CTNNA2: variants seen among roughly 807,000 people sequenced by gnomAD.
CTNNA2 encodes catenin alpha-2.
A neutral mutation model predicts 101.0 loss-of-function variants in CTNNA2; 42 were observed. The observed-to-expected ratio is 0.42, with a 90% CI of 0.32 to 0.54. The LOEUF is 0.54. CTNNA2 is among the 20% of genes least tolerant of loss of function. CTNNA2 has a pLI of 0.14. For synonymous variants in CTNNA2, 450 were observed against 456.4 expected, an observed-to-expected ratio of 0.99 and a Z score of 0.18; for missense variants, 871 against 1,223.1, an observed-to-expected ratio of 0.71 and a Z score of 4.29.
chr2:79,910,402 C>T (rs1389619688), intron 7 of CTNNA2, among the ~76,000 whole-genome samples: 2 of 152,240 alleles, frequency 1.3e-5, no homozygotes, highest in South Asian at 4.2e-4. Flanking sequence ...TAATAGCCAT[C>T]CTCTCCTATA....
intron 1 of CTNNA2, among the ~76,000 whole-genome samples, chr2:79,609,943 A>G (rs182427199): frequency 6.6e-6 from 1 of 152,280 alleles, no homozygotes; most frequent in East Asian, 1.9e-4. Context: ...ATCAAAAGTA[A>G]AATCTTTCGT....
intron 7 of CTNNA2, among the ~76,000 whole-genome samples, chr2:80,034,265 A>G (rs1402095835): frequency 1.3e-5 from 2 of 152,032 alleles, no homozygotes; most frequent in Non-Finnish European, 1.5e-5. Flanking sequence ...ACTCAATAGA[A>G]CTGAAAAAGA....
At chr2:80,005,784 T>TTC (rs386390577) in intron 7 of CTNNA2, among the ~76,000 whole-genome samples, 2 of 151,858 alleles carry the variant, frequency 1.3e-5, no homozygotes, top group African/African-American at 2.4e-5. Flanking sequence ...TTTTTTTTTT[T>TTC]TAAACAAGCA....
chr2:80,112,460 G>C (rs1701277515), intron 7 of CTNNA2, among the ~76,000 whole-genome samples: 1 of 152,048 alleles, frequency 6.6e-6, no homozygotes, highest in Non-Finnish European at 1.5e-5. Flanking sequence ...AATTTGTCTA[G>C]GTTGGTCAGA....
intron 4 of CTNNA2, among the ~76,000 whole-genome samples, chr2:79,461,958 G>A (rs1670883961): frequency 6.6e-6 from 1 of 151,770 alleles, no homozygotes. Flanking sequence ...TTTAATTAAA[G>A]AGAAAATGTT....
chr2:79,315,252 T>A (rs1243493252), intron 3 of CTNNA2, among the ~76,000 whole-genome samples: 1 of 152,234 alleles, frequency 6.6e-6, no homozygotes. Context: ...TATTGAGATA[T>A]AATTTATGCA....
intron 3 of CTNNA2, among the ~76,000 whole-genome samples, chr2:79,786,642 T>C (rs1674871425): frequency 6.6e-6 from 1 of 152,124 alleles, no homozygotes; most frequent in African/African-American, 2.4e-5. Flanking sequence ...AAGATTTACC[T>C]GTCTTTACAC....
chr2:80,398,110 T>C (rs1171922808), intron 8 of CTNNA2, among the ~76,000 whole-genome samples: 2 of 152,214 alleles, frequency 1.3e-5, no homozygotes, highest in Non-Finnish European at 2.9e-5. Flanking sequence ...TTATGGTTCA[T>C]TGGATTCTCT....
chr2:80,085,680 G>A (rs1699396892), intron 7 of CTNNA2, among the ~76,000 whole-genome samples: 1 of 151,946 alleles, frequency 6.6e-6, no homozygotes, highest in African/African-American at 2.4e-5. Context: ...GTCTGTCTCT[G>A]GATCTTTTTT....
chr2:80,495,420 A>G (rs1248317638), intron 9 of CTNNA2, among the ~76,000 whole-genome samples: 1 of 152,104 alleles, frequency 6.6e-6, no homozygotes, highest in Non-Finnish European at 1.5e-5. Flanking sequence ...AAAAGAAACA[A>G]CTGTAGAAGA....
At chr2:79,191,257 G>A (rs1673866350) in intron 1 of CTNNA2, among the ~76,000 whole-genome samples, 1 of 152,194 alleles carries the variant, frequency 6.6e-6, no homozygotes, top group Non-Finnish European at 1.5e-5. Flanking sequence ...CCTCAGGGAA[G>A]CATTCCAATG....
intron 1 of CTNNA2, among the ~76,000 whole-genome samples, chr2:79,628,803 C>T (rs1449674017): frequency 1.3e-5 from 2 of 152,098 alleles, no homozygotes; most frequent in Non-Finnish European, 2.9e-5. Context: ...ACATTTTTCA[C>T]GATCTGTGAC....
chr2:80,485,181 A>G (rs1434073), intron 9 of CTNNA2, among the ~76,000 whole-genome samples: 2 of 152,068 alleles, frequency 1.3e-5, no homozygotes, highest in Middle Eastern at 3.4e-3. Context: ...TCTTATTTTC[A>G]TCCACTGTCA....
At chr2:80,546,629 A>C (rs1692090920) in intron 11 of CTNNA2, among the ~76,000 whole-genome samples, 1 of 152,220 alleles carries the variant, frequency 6.6e-6, no homozygotes, top group South Asian at 2.1e-4. Context: ...ACTGCTCATC[A>C]CTTGAAATTA....
At chr2:79,319,129 C>G (rs1676560994) in intron 3 of CTNNA2, among the ~76,000 whole-genome samples, 2 of 152,140 alleles carry the variant, frequency 1.3e-5, no homozygotes, top group African/African-American at 2.4e-5. Flanking sequence ...ATACTACTCA[C>G]CTCTCTGGAT....
intron 7 of CTNNA2, among the ~76,000 whole-genome samples, chr2:80,115,467 G>A (rs766928364): frequency 6.6e-6 from 1 of 152,192 alleles, no homozygotes; most frequent in Non-Finnish European, 1.5e-5. Context: ...TCAAGGAGCT[G>A]ATAATTTTAA....
intron 9 of CTNNA2, among the ~76,000 whole-genome samples, chr2:80,536,230 G>A (rs539264286): frequency 3.7e-4 from 57 of 152,220 alleles, no homozygotes; most frequent in African/African-American, 1.4e-3. Context: ...GGAGACCGCA[G>A]CACTTTTCAT....
At chr2:79,280,776 C>T (rs974317235) in intron 2 of CTNNA2, among the ~76,000 whole-genome samples, 4 of 151,760 alleles carry the variant, frequency 2.6e-5, no homozygotes, top group Non-Finnish European at 5.9e-5. Context: ...GAGGACCACC[C>T]TTGGTTGGCT....
At position 80,567,421 on chromosome 2, in the gene CTNNA2, G is replaced by A. The variant is rs550084977; in HGVS notation, c.1742-6742G>A. 3.5e-4 allele frequency among the ~76,000 whole-genome samples: 53 copies of A among 152,256 alleles called. 2 individuals carry two copies. The South Asian group carries it at 0.011, about 30-fold the overall frequency. On this transcript the variant is annotated intron_variant, in intron 12 of 18. Transcript: ENST00000402739. ...TTACAACTGATTATGCTTCATGGAT[G>A]TGTGGAATTGTCAAGGCACACCCCG... is the stretch of plus-strand genomic sequence containing the variant.
Sources: allele counts gnomAD v4.1 joint callset (sites outside exome capture counted in the v4.1 genomes callset), GRCh38; gene constraint gnomAD v4.1.1; transcripts MANE v1.5; gene names NCBI Gene and HGNC (gene_info 2026-07-23, HGNC 2026-07-21).